Variants in PRR33 observed in about 807,000 individuals in gnomAD.
PRR33 encodes the protein proline-rich protein 33.
In PRR33, 1 loss-of-function variant was observed where a neutral mutation model predicts 0.5. That is an observed-to-expected ratio of 2.18 (90% CI 0.77 to 10.34). The LOEUF (loss-of-function observed/expected upper bound fraction) is 10.34, where lower values mean the gene tolerates loss of function less well. Ranked by LOEUF, PRR33 falls within the 30% of genes most tolerant of loss-of-function variation. The pLI is 0.13. For synonymous variants in PRR33, 226 were observed against 110.0 expected (o/e 2.06, Z -6.60); for missense variants, 552 against 251.8 (o/e 2.19, Z -8.07).
upstream of PRR33, among the ~76,000 whole-genome samples, chr11:1,895,361 G>T (rs769583228): frequency 3.9e-5 from 6 of 152,162 alleles, no homozygotes; most frequent in Non-Finnish European, 5.9e-5. Context: ...TCGAATTCCT[G>T]ACCTCAAGTG....
At chr11:1,891,395 G>A (rs924501328) in exon 1 of PRR33, 1 of 152,398 alleles carries the variant, frequency 6.6e-6, no homozygotes. Flanking sequence ...AGCTGCTGGA[G>A]GGGTGGGGGC....
At chr11:1,889,254 C>T (rs531859981) in exon 1 of PRR33, 23 of 676,384 alleles carry the variant, frequency 3.4e-5, no homozygotes, top group East Asian at 1.1e-4. Flanking sequence ...CTGCAGCTTC[C>T]GGGCGTTGAA....
At chr11:1,915,707 G>GGT in the PRR33 span, among the ~76,000 whole-genome samples, 1 of 113,206 alleles carries the variant, frequency 8.8e-6, no homozygotes, top group Non-Finnish European at 1.9e-5. Flanking sequence ...GTGTTGTGGG[G>GGT]AGGTGTGTGT....
the PRR33 span, among the ~76,000 whole-genome samples, chr11:1,912,968 ACCT>A: frequency 6.6e-6 from 1 of 151,124 alleles, no homozygotes; most frequent in African/African-American, 2.4e-5. Context: ...CATTCTATTA[ACCT>A]CCTATGTTTC....
At chr11:1,898,463 T>C in the PRR33 span, among the ~76,000 whole-genome samples, 2 of 152,064 alleles carry the variant, frequency 1.3e-5, no homozygotes, top group Non-Finnish European at 2.9e-5. Flanking sequence ...TCTTGATCTC[T>C]TGACGTTGTG....
chr11:1,889,250 C>T (rs1324734202), exon 1 of PRR33: 1 of 676,678 alleles, frequency 1.5e-6, no homozygotes. Context: ...CCTCCTGCAG[C>T]TTCCGGGCGT....
chr11:1,908,177 C>T, the PRR33 span, among the ~76,000 whole-genome samples: 280 of 152,268 alleles, frequency 1.8e-3, no homozygotes, highest in African/African-American at 6.6e-3. Context: ...TGCTGGTCTG[C>T]GGGGAGCTCT....
the PRR33 span, among the ~76,000 whole-genome samples, chr11:1,901,497 T>C: frequency 2.0e-5 from 3 of 152,192 alleles, no homozygotes; most frequent in African/African-American, 7.2e-5. Context: ...AGAAAGAATT[T>C]TCATTTGCCA....
the PRR33 span, among the ~76,000 whole-genome samples, chr11:1,909,559 C>T: frequency 6.6e-6 from 1 of 152,124 alleles, no homozygotes; most frequent in East Asian, 1.9e-4. Flanking sequence ...TGCAGTGAGC[C>T]AAGATCATCA....
the PRR33 span, among the ~76,000 whole-genome samples, chr11:1,912,137 C>T: frequency 6.6e-6 from 1 of 151,684 alleles, no homozygotes; most frequent in East Asian, 1.9e-4. Flanking sequence ...CTCACCATTG[C>T]ACTCTGGCCT....
At chr11:1,914,853 CTGTG>C in the PRR33 span, among the ~76,000 whole-genome samples, 2,307 of 125,362 alleles carry the variant, frequency 0.018, 25 homozygotes, top group South Asian at 0.046. Flanking sequence ...GGAGATGTTT[CTGTG>C]TGTGTGTGTG....
upstream of PRR33, among the ~76,000 whole-genome samples, chr11:1,895,756 A>T (rs979339755): frequency 2.0e-5 from 3 of 152,146 alleles, no homozygotes; most frequent in South Asian, 6.2e-4. Flanking sequence ...TTCTTTTTGC[A>T]TATGGAGATC....
chr11:1,899,205 C>G, the PRR33 span, among the ~76,000 whole-genome samples: 4 of 152,098 alleles, frequency 2.6e-5, no homozygotes, highest in Non-Finnish European at 5.9e-5. Context: ...ATCTGGGATG[C>G]CAGCTGCTTC....
chr11:1,893,789 A>G (rs1207261734), upstream of PRR33, among the ~76,000 whole-genome samples: 2 of 149,360 alleles, frequency 1.3e-5, no homozygotes, highest in African/African-American at 5.0e-5. Flanking sequence ...AGGTGGATGG[A>G]TGGATAGGTG....
At chr11:1,895,209 T>C (rs187907378), upstream of PRR33, among the ~76,000 whole-genome samples, 185 of 152,230 alleles carry the variant, frequency 1.2e-3, no homozygotes, top group African/African-American at 4.2e-3. Flanking sequence ...CTTGGCCCAC[T>C]GCAACCTCCG....
At chr11:1,893,013 T>G (rs1158076249), upstream of PRR33, among the ~76,000 whole-genome samples, 121 of 104,088 alleles carry the variant, frequency 1.2e-3, no homozygotes, top group Middle Eastern at 0.03. Context: ...ATGGATGGAT[T>G]GATGGATGGA....
chr11:1,905,101 C>G, the PRR33 span, among the ~76,000 whole-genome samples: 3 of 147,806 alleles, frequency 2.0e-5, no homozygotes, highest in South Asian at 2.1e-4. Context: ...AAGCTGAGAG[C>G]AAGGTCATTG....
At chr11:1,913,980 G>T in the PRR33 span, among the ~76,000 whole-genome samples, 8 of 152,252 alleles carry the variant, frequency 5.3e-5, no homozygotes, top group South Asian at 2.1e-4. Context: ...CAGCATAGCT[G>T]CTTGCCTCCT....
upstream of PRR33, among the ~76,000 whole-genome samples, chr11:1,895,145 TTTTTGAGATGGAG>T: frequency 6.6e-6 from 1 of 152,282 alleles, no homozygotes; most frequent in African/African-American, 2.4e-5. Context: ...TTTCTTTTTT[TTTTTGAGATGGAG>T]TTTTGCTCTT....
Sources: gnomAD v4.1 joint callset for allele counts (sites outside exome capture counted in the v4.1 genomes callset) on GRCh38, gnomAD v4.1.1 for gene constraint, MANE v1.5 for transcripts, NCBI Gene and HGNC (gene_info 2026-07-23, HGNC 2026-07-21) for gene names.